Variants in SPMAP2L observed in about 807,000 individuals in gnomAD.
The protein encoded by SPMAP2L is sperm microtubule associated protein 2 like.
chr4:56,592,165 TC>T, the SPMAP2L span, among the ~76,000 whole-genome samples: 1 of 152,148 alleles, frequency 6.6e-6, no homozygotes, highest in Non-Finnish European at 1.5e-5. Flanking sequence ...ATGCAAAGGA[TC>T]TAGGTTGTGC....
the SPMAP2L span, among the ~76,000 whole-genome samples, chr4:56,574,999 C>G: frequency 1.3e-5 from 2 of 151,914 alleles, no homozygotes; most frequent in Non-Finnish European, 1.5e-5. Context: ...GCCTGTAATC[C>G]CAGCACTTTG....
the SPMAP2L span, among the ~76,000 whole-genome samples, chr4:56,613,752 T>C: frequency 6.6e-6 from 1 of 152,204 alleles, no homozygotes; most frequent in Non-Finnish European, 1.5e-5. Flanking sequence ...AAAGAACAAG[T>C]GACTGCATCA....
the SPMAP2L span, among the ~76,000 whole-genome samples, chr4:56,576,674 C>T: frequency 6.6e-6 from 1 of 152,142 alleles, no homozygotes; most frequent in Non-Finnish European, 1.5e-5. Context: ...CGAAAGAAGG[C>T]CCAATTCTTC....
At chr4:56,572,970 C>A in the SPMAP2L span, among the ~76,000 whole-genome samples, 1,022 of 150,666 alleles carry the variant, frequency 6.8e-3, 8 homozygotes, top group East Asian at 0.035. Flanking sequence ...GAGCTGAGAT[C>A]GCACCACTGC....
At chr4:56,596,525 C>T in the SPMAP2L span, 1 of 1,531,118 alleles carries the variant, frequency 6.5e-7, no homozygotes. Flanking sequence ...TCACTTTCTA[C>T]CCTGAGTGCG....
chr4:56,534,699 G>A, the SPMAP2L span, among the ~76,000 whole-genome samples: 2 of 152,146 alleles, frequency 1.3e-5, no homozygotes, highest in Non-Finnish European at 2.9e-5. Context: ...GGCTCAGGTG[G>A]GTGAATTACC....
At chr4:56,578,954 T>C in the SPMAP2L span, among the ~76,000 whole-genome samples, 5 of 151,674 alleles carry the variant, frequency 3.3e-5, no homozygotes, top group African/African-American at 1.2e-4. Context: ...AGATAACAAC[T>C]ATAAACATAC....
the SPMAP2L span, among the ~76,000 whole-genome samples, chr4:56,597,983 C>T: frequency 7.9e-5 from 12 of 152,300 alleles, no homozygotes; most frequent in East Asian, 2.1e-3. Context: ...CCACCTCAGC[C>T]ACCTGAGCAG....
At chr4:56,586,230 T>G in the SPMAP2L span, among the ~76,000 whole-genome samples, 1 of 152,134 alleles carries the variant, frequency 6.6e-6, no homozygotes. Context: ...ACAAAAGATA[T>G]TTATTTCTCA....
chr4:56,530,649 CCG>C, the SPMAP2L span: 1 of 1,526,072 alleles, frequency 6.6e-7, no homozygotes, highest in Non-Finnish European at 8.8e-7. Context: ...AGGGTGAGTC[CCG>C]CGCGCGACAG....
chr4:56,623,351 T>C, the SPMAP2L span, among the ~76,000 whole-genome samples: 2 of 152,178 alleles, frequency 1.3e-5, no homozygotes, highest in African/African-American at 4.8e-5. Context: ...TTGGATTCCC[T>C]AAGGGTGTAA....
At chr4:56,552,854 G>A in the SPMAP2L span, among the ~76,000 whole-genome samples, 1 of 152,164 alleles carries the variant, frequency 6.6e-6, no homozygotes, top group African/African-American at 2.4e-5. Context: ...TCCTGATTTA[G>A]TTGATATGGG....
chr4:56,567,642 A>G, the SPMAP2L span, among the ~76,000 whole-genome samples: 1 of 151,720 alleles, frequency 6.6e-6, no homozygotes, highest in South Asian at 2.1e-4. Flanking sequence ...GCTTTTGCAT[A>G]TCTTAAAATT....
At chr4:56,531,382 C>A in the SPMAP2L span, among the ~76,000 whole-genome samples, 3 of 152,176 alleles carry the variant, frequency 2.0e-5, no homozygotes, top group Non-Finnish European at 2.9e-5. Context: ...GAAACTGACA[C>A]CCTGATAATG....
the SPMAP2L span, among the ~76,000 whole-genome samples, chr4:56,585,171 A>G: frequency 6.6e-6 from 1 of 152,190 alleles, no homozygotes; most frequent in East Asian, 1.9e-4. Flanking sequence ...CTTTAACATA[A>G]AAGACTGTTC....
the SPMAP2L span, chr4:56,596,659 C>A: frequency 6.7e-7 from 1 of 1,487,264 alleles, no homozygotes; most frequent in South Asian, 1.3e-5. Context: ...TGGTATCCTT[C>A]AGCTCACTTT....
At chr4:56,573,838 G>A in the SPMAP2L span, among the ~76,000 whole-genome samples, 7 of 151,522 alleles carry the variant, frequency 4.6e-5, no homozygotes, top group Non-Finnish European at 8.8e-5. Flanking sequence ...GGGTGGTCGC[G>A]AGCAAGGGGG....
chr4:56,561,860 A>G, the SPMAP2L span, among the ~76,000 whole-genome samples: 1 of 151,998 alleles, frequency 6.6e-6, no homozygotes, highest in Non-Finnish European at 1.5e-5. Flanking sequence ...AGTAGCTGGG[A>G]TTACAGGCGC....
At chr4:56,625,465 C>T in the SPMAP2L span, among the ~76,000 whole-genome samples, 27 of 152,248 alleles carry the variant, frequency 1.8e-4, no homozygotes, top group East Asian at 5.0e-3. Context: ...TATGGTTTGG[C>T]TATGTTCCCA....
Sources: gnomAD v4.1 joint callset for allele counts (sites outside exome capture counted in the v4.1 genomes callset) on GRCh38, gnomAD v4.1.1 for gene constraint, MANE v1.5 for transcripts, NCBI Gene and HGNC (gene_info 2026-07-23, HGNC 2026-07-21) for gene names.